PIP5K1C: variants seen among roughly 807,000 people sequenced by gnomAD.
The protein encoded by PIP5K1C is phosphatidylinositol 4-phosphate 5-kinase type-1 gamma.
A neutral mutation model predicts 80.1 loss-of-function variants in PIP5K1C; 45 were observed. The observed-to-expected ratio is 0.56, with a 90% CI of 0.44 to 0.72. The LOEUF (loss-of-function observed/expected upper bound fraction) is 0.72. PIP5K1C is among the 30% of genes least tolerant of loss of function. The pLI is 0.00. For synonymous variants in PIP5K1C, 498 were observed against 420.1 expected (o/e 1.19, Z -2.27); for missense variants, 753 against 954.6 (o/e 0.79, Z 2.78).
At chr19:3,644,765 G>A (rs78682020) in intron 11 of PIP5K1C, among the ~76,000 whole-genome samples, 10,431 of 152,280 alleles carry the variant, frequency 0.068, 461 homozygotes, top group Non-Finnish European at 0.097. Flanking sequence ...CTTAGCGGTG[G>A]GGTGAGGTGG....
chr19:3,697,635 A>G (rs1004621927), intron 1 of PIP5K1C, among the ~76,000 whole-genome samples: 12 of 152,158 alleles, frequency 7.9e-5, no homozygotes, highest in Non-Finnish European at 1.5e-4. Context: ...CAGCCGTGGA[A>G]GTGGGGCAGG....
chr19:3,686,355 G>C (rs2145591645), intron 1 of PIP5K1C, among the ~76,000 whole-genome samples: 1 of 151,758 alleles, frequency 6.6e-6, no homozygotes, highest in East Asian at 2.0e-4. Flanking sequence ...GGGAGGCAGA[G>C]CTTGCAGTGA....
intron 3 of PIP5K1C, among the ~76,000 whole-genome samples, chr19:3,663,368 G>A (rs775983689): frequency 6.6e-6 from 1 of 152,206 alleles, no homozygotes; most frequent in Non-Finnish European, 1.5e-5. Context: ...GTTTCGGCCT[G>A]TCTCCCTCCT....
Position 3,642,923 on chromosome 19 carries a change from A to G in PIP5K1C, c.1666T>C (p.Ser556Pro). The G allele has an allele frequency of 6.2e-7, 1 of 1,613,502 alleles. No individual in the cohort carries two copies. Among genetic ancestry groups the G allele is most frequent in the East Asian group, 2.2e-5 (1 of 44,862 alleles). The part of the protein sequence containing the change: ...QPRYRRRTQS[S>P]GQDGRPQEEP... ...GGGTCTCACCTGCCATCCTGTCCAG[A>G]CGACTGTGTGCGCCGCCTGCAGAGA... The change falls in exon 14 of 18, where the codon TCT becomes CCT. Residue 556 changes from serine to proline, a missense_variant. Coordinates refer to ENST00000335312, the MANE Select transcript of PIP5K1C (RefSeq NM_012398.3).
intron 9 of PIP5K1C, among the ~76,000 whole-genome samples, 200 bp from the exon 10 acceptor site, chr19:3,647,586 G>A (rs1463035343): frequency 6.6e-6 from 1 of 152,142 alleles, no homozygotes; most frequent in Admixed American, 6.5e-5. Flanking sequence ...GGCCCAGGAC[G>A]GCCCCACCCC....
Position 3,643,387 on chromosome 19 carries a change from G to A in PIP5K1C, c.1511-6C>T. The A allele has an allele frequency of 1.2e-6, 2 of 1,613,220 alleles. No homozygotes were observed. Among genetic ancestry groups the A allele is most frequent in the Non-Finnish European group, 1.7e-6 (2 of 1,179,890 alleles). On this transcript the variant is annotated splice_polypyrimidine_tract_variant and splice_region_variant and intron_variant, in intron 12 of 17. Transcript: ENST00000335312. ...GGGCAGGAGGTCGGGCCGGCCTGAG[G>A]GGAGAGGACTGTGGGCACCTTGCGG... is the stretch of plus-strand genomic sequence containing the variant.
At position 3,651,957 on chromosome 19, in the gene PIP5K1C, C is replaced by A; in HGVS notation, c.996G>T (p.Glu332Asp). 1 of 1,613,082 alleles carries A rather than the reference C, an allele frequency of 6.2e-7. No individual in the cohort carries two copies. Residue 332 changes from glutamate (E) to aspartate (D), a missense_variant, in exon 8 of 18, where the codon GAG becomes GAT. Physicochemically the swap from Glu to Asp is conservative, Grantham distance 45. Transcript: ENST00000335312. The stretch of plus-strand genomic sequence containing the variant: ...TGCTCTGGGCGCCCTGCGCCTGCCG[C>A]TCGCGCTCGTGCTGGTCGATGTTGT... ...GVHNIDQHER[E>D]RQAQGAQSTS...
At chr19:3,641,906 G>C (rs2033978490) in intron 14 of PIP5K1C, 97 bp from the exon 15 acceptor site, 2 of 932,138 alleles carry the variant, frequency 2.1e-6, no homozygotes, top group African/African-American at 3.3e-5. Context: ...GTCCCAGAGG[G>C]GAGTTGGGAG....
Position 3,700,285 on chromosome 19 carries a change from C to G in PIP5K1C, c.94+12G>C. 3 of 1,256,696 alleles carry G rather than the reference C, an allele frequency of 2.4e-6. No individual in the cohort carries two copies. Among genetic ancestry groups the G allele is most frequent in the Non-Finnish European group, 2.0e-6 (2 of 982,998 alleles). 77.8% of individuals were successfully genotyped at this position (1,256,696 alleles called of 1,614,324 possible). A position where few individuals can be genotyped will look rare whatever the true frequency, so the allele number is the denominator to read the frequency against. ...CCCAGCGGGCCGCAGCCCCGGGAGGCCGGGCCGTTACCTGCCGCCGCCCCG... is the reference window on the plus strand; with the variant it reads ...CCCAGCGGGCCGCAGCCCCGGGAGGGCGGGCCGTTACCTGCCGCCGCCCCG... On this transcript the variant is annotated intron_variant, in intron 1 of 17. Transcript: ENST00000335312.
Position 3,637,236 on chromosome 19 carries a change from G to A in PIP5K1C, c.1920+1648C>T, listed in dbSNP as rs751452450. ...TGGGTCCAGGGGCAGAGAGGGGCTC[G>A]CTGGGGTCTGGCCGGGGTCCGAAGC... On this transcript the variant is annotated intron_variant, in intron 16 of 17. Coordinates refer to ENST00000335312, the MANE Select transcript of PIP5K1C (RefSeq NM_012398.3). The surrounding 1 kb of genome is among the most constrained non-coding windows in gnomAD (Gnocchi z 7.0). The A allele has an allele frequency of 2.0e-4, 285 of 1,442,020 alleles. 1 individual carries two copies. The highest frequency in any genetic ancestry group is 2.4e-4 in the Non-Finnish European group (265 of 1,101,660). The allele number at this position is 1,442,020 out of a possible 1,614,324, so 89.3% of individuals were successfully genotyped here. A position where few individuals can be genotyped will look rare whatever the true frequency, so the allele number is the denominator to read the frequency against.
chr19:3,683,833 TGTGCA>T (rs1423288375), intron 1 of PIP5K1C, among the ~76,000 whole-genome samples: 1 of 151,928 alleles, frequency 6.6e-6, no homozygotes, highest in Non-Finnish European at 1.5e-5. Flanking sequence ...AGGAACATCC[TGTGCA>T]GAGCACAGCC....
At chr19:3,652,975 GT>G (rs756996730) in intron 7 of PIP5K1C, among the ~76,000 whole-genome samples, 8 of 152,338 alleles carry the variant, frequency 5.3e-5, no homozygotes, top group Admixed American at 1.3e-4. Flanking sequence ...CATGTTATAA[GT>G]GTTTTGTTTT....
Position 3,632,611 on chromosome 19 carries a change from G to A in PIP5K1C, c.*556C>T, listed in dbSNP as rs2033501545. 6.5e-6 allele frequency: 1 copy of A among 152,936 alleles called. No individual in the cohort carries two copies. The highest frequency in any genetic ancestry group is 1.5e-5 in the Non-Finnish European group (1 of 68,566). 9.5% of individuals were successfully genotyped at this position (152,936 alleles called of 1,614,324 possible). On this transcript the variant is annotated 3_prime_UTR_variant, in exon 18 of 18. Transcript: ENST00000335312. ...GTCCCCACAGTCGATGTTCAGGCCA[G>A]ATGTCCTGCACTGAGGCCCCCAAAC...
chr19:3,683,685 C>G (rs553129951), intron 1 of PIP5K1C, among the ~76,000 whole-genome samples: 2 of 152,330 alleles, frequency 1.3e-5, no homozygotes, highest in African/African-American at 4.8e-5. Context: ...GTCTGCGTCA[C>G]CACAGCAGGG....
intron 2 of PIP5K1C, among the ~76,000 whole-genome samples, chr19:3,666,468 CACAG>C (rs1325022247): frequency 5.9e-5 from 9 of 152,356 alleles, no homozygotes; most frequent in South Asian, 2.1e-4. Context: ...TGTGCACACA[CACAG>C]ACAAATATGC....
At position 3,637,555 on chromosome 19, in the gene PIP5K1C, G is replaced by A. The variant is rs530085554; in HGVS notation, c.1920+1329C>T. The A allele has an allele frequency of 1.4e-5, 22 of 1,534,432 alleles. No individual in the cohort carries two copies. Among genetic ancestry groups the A allele is most frequent in the Middle Eastern group, 1.7e-4 (1 of 5,984 alleles). On this transcript the variant is annotated intron_variant, in intron 16 of 17. Transcript: ENST00000335312. This position sits in a 1 kb window ranked among gnomAD's most constrained non-coding sequence, Gnocchi z 7.0. Reference sequence around the variant, plus strand: ...ACTTACAGTCCCCGAGGCGCTCAGCGTCACGGCCCGCAGTCGGCGATGGCG... The same window carrying A: ...ACTTACAGTCCCCGAGGCGCTCAGCATCACGGCCCGCAGTCGGCGATGGCG...
chr19:3,673,755 G>A (rs916245244), intron 1 of PIP5K1C: 4 of 152,296 alleles, frequency 2.6e-5, no homozygotes, highest in Non-Finnish European at 5.9e-5. Flanking sequence ...CGACCATGGG[G>A]ACCACAGGCC....
At chr19:3,668,865 C>T (rs567702664) in intron 1 of PIP5K1C, among the ~76,000 whole-genome samples, 6 of 152,270 alleles carry the variant, frequency 3.9e-5, no homozygotes, top group East Asian at 3.9e-4. Context: ...GCGGAGGGAA[C>T]GGCAGCACAA....
Position 3,641,735 on chromosome 19 carries a change from T to A in PIP5K1C, c.1757A>T (p.Glu586Val), listed in dbSNP as rs1296665313. ...TVQVEPACSV[E>V]IVVPKEEDAG... ...GTCCTCCTCTTTGGGGACCACAATCTCCACGCTGCACGCAGGCTCCACCTG... is the reference window on the plus strand; with the variant it reads ...GTCCTCCTCTTTGGGGACCACAATCACCACGCTGCACGCAGGCTCCACCTG... Residue 586 changes from glutamate to valine, a missense_variant, in exon 15 of 18, where the codon GAG becomes GTG. By Grantham distance (121) the Glu-to-Val change is moderately radical (BLOSUM62 -2). Transcript: ENST00000335312. 6.2e-7 allele frequency: 1 copy of A among 1,610,498 alleles called. No homozygotes were observed. The highest frequency in any genetic ancestry group is 8.5e-7 in the Non-Finnish European group (1 of 1,179,972).
Sources: allele counts gnomAD v4.1 joint callset (sites outside exome capture counted in the v4.1 genomes callset), GRCh38; gene constraint gnomAD v4.1.1; non-coding constraint Gnocchi (gnomAD v3.1); transcripts MANE v1.5; gene names NCBI Gene and HGNC (gene_info 2026-07-23, HGNC 2026-07-21).